Variants in ADCY4 observed in about 807,000 individuals in gnomAD.
The protein encoded by ADCY4 is adenylate cyclase type 4.
ADCY4 carries 111 observed loss-of-function variants against 125.5 expected under a neutral mutation model. The observed-to-expected ratio is 0.88, with a 90% CI of 0.76 to 1.04. The LOEUF is 1.04. Among genes scored for constraint, ADCY4 ranks in the 50% least tolerant of loss-of-function variants. The pLI, the probability that ADCY4 is intolerant of heterozygous loss-of-function variation, is 0.00. For missense variants in ADCY4, 1,256 were observed against 1,382.9 expected (o/e 0.91, Z 1.46); for synonymous variants, 576 against 586.9 (o/e 0.98, Z 0.27).
In ADCY4 at chr14:24,319,479, C is replaced by T; in HGVS notation, c.2734-43G>A. 6.3e-7 allele frequency: 1 copy of T among 1,579,744 alleles called. No homozygotes were observed. Among genetic ancestry groups the T allele is most frequent in the Non-Finnish European group, 8.7e-7 (1 of 1,150,328 alleles). On this transcript the variant is annotated intron_variant, in intron 21 of 24. Coordinates refer to ENST00000418030, the MANE Select transcript of ADCY4 (RefSeq NM_001198568.2). The surrounding 1 kb of genome is among the most constrained non-coding windows in gnomAD (Gnocchi z 4.5). ...TCCTGTCCCCAGTCTCTCTTACTCTCTCCATCACCTCTCCCAGAAGCCCAG... is the reference window on the plus strand; with the variant it reads ...TCCTGTCCCCAGTCTCTCTTACTCTTTCCATCACCTCTCCCAGAAGCCCAG...
chr14:24,323,253 C>G (rs2041884655), intron 17 of ADCY4, 91 bp downstream of exon 17: 2 of 1,425,438 alleles, frequency 1.4e-6, no homozygotes, highest in Non-Finnish European at 1.9e-6. Flanking sequence ...TTCTAATCCA[C>G]AGAATGGAGC....
intron 5 of ADCY4, 29 bp downstream of exon 5, chr14:24,331,179 C>T: frequency 6.2e-7 from 1 of 1,613,700 alleles, no homozygotes. Context: ...GCCCACAGGC[C>T]CCTCCCCTCC....
At chr14:24,330,118 GC>G in intron 7 of ADCY4, 49 bp downstream of exon 7, 7 of 1,601,250 alleles carry the variant, frequency 4.4e-6, no homozygotes, top group Non-Finnish European at 6.0e-6. Flanking sequence ...GCTGCCTGCT[GC>G]CCCCCACATC....
chr14:24,323,685 T>C (rs2041892931), intron 16 of ADCY4: 1 of 1,381,236 alleles, frequency 7.2e-7, no homozygotes, highest in Admixed American at 3.1e-5. Flanking sequence ...GTGTGAGCTC[T>C]TGCCAGCCAC....
In ADCY4 at chr14:24,322,064, A is replaced by G. The variant is rs974611989; in HGVS notation, c.2586+2T>C. Reference sequence around the variant, plus strand: ...CTCAGGAGTCAGGGGGTCAGGAGTCACCTCGTTGCGCCGGTTCTGGCCAAT... The same window carrying G: ...CTCAGGAGTCAGGGGGTCAGGAGTCGCCTCGTTGCGCCGGTTCTGGCCAAT... On this transcript the variant is annotated splice_donor_variant, in intron 20 of 24. Coordinates refer to ENST00000418030, the MANE Select transcript of ADCY4 (RefSeq NM_001198568.2). LOFTEE classifies it high-confidence loss of function. 5.0e-6 allele frequency: 8 copies of G among 1,609,620 alleles called. No individual in the cohort carries two copies. The African/African-American group carries it at 9.4e-5, about 19-fold the overall frequency.
At position 24,318,909 on chromosome 14, in the gene ADCY4, A is replaced by G. The variant is rs1486885875; in HGVS notation, c.2957-131T>C. 2.1e-6 allele frequency: 3 copies of G among 1,442,356 alleles called. No individual in the cohort carries two copies. In the Admixed American group the frequency reaches 5.9e-5, roughly 29 times the overall value. 89.3% of individuals were successfully genotyped at this position (1,442,356 alleles called of 1,614,324 possible). On this transcript the variant is annotated intron_variant, in intron 23 of 24. Coordinates refer to ENST00000418030, the MANE Select transcript of ADCY4 (RefSeq NM_001198568.2). ...GGAGGGGTCTCTAAGGGCTGGAGGA[A>G]TGTAGCTTAAGAAAAAGAGTGGGAG...
rs542752705 is a variant in ADCY4, at chr14:24,322,897, T to A, written c.2342+7A>T. The A allele has an allele frequency of 2.5e-6, 4 of 1,587,898 alleles. No individual in the cohort carries two copies. Among genetic ancestry groups the A allele is most frequent in the Non-Finnish European group, 3.4e-6 (4 of 1,167,330 alleles). ...GCCCGGCACCTCTGTCCAGCAGCTG[T>A]GCACACCTGGAGTCCAAGGGGCCCA... is the stretch of plus-strand genomic sequence containing the variant. On this transcript the variant is annotated splice_region_variant and intron_variant, in intron 18 of 24. Coordinates refer to ENST00000418030, the MANE Select transcript of ADCY4 (RefSeq NM_001198568.2).
Position 24,330,033 on chromosome 14 carries a change from T to A in ADCY4, c.1059-15A>T. 1.9e-6 allele frequency: 3 copies of A among 1,610,494 alleles called. No homozygotes were observed. Among genetic ancestry groups the A allele is most frequent in the Non-Finnish European group, 2.5e-6 (3 of 1,177,220 alleles). Reference sequence around the variant, plus strand: ...CCCGCAGTTTCCTGAGCAGTGTGTGTGTGGGACAATCTGAGTCCTACCCTC... The same window carrying A: ...CCCGCAGTTTCCTGAGCAGTGTGTGAGTGGGACAATCTGAGTCCTACCCTC... On this transcript the variant is annotated splice_polypyrimidine_tract_variant and intron_variant, in intron 7 of 24. Coordinates refer to ENST00000418030, the MANE Select transcript of ADCY4 (RefSeq NM_001198568.2).
Position 24,318,751 on chromosome 14 carries a change from C to A in ADCY4, c.2984G>T (p.Gly995Val). 6.2e-7 allele frequency: 1 copy of A among 1,614,124 alleles called. No homozygotes were observed. Among genetic ancestry groups the A allele is most frequent in the South Asian group, 1.1e-5 (1 of 91,076 alleles). Residue 995 changes from glycine (G) to valine (V), a missense_variant, in exon 24 of 25, where the codon GGA becomes GTA. Gly to Val is a moderately radical substitution (Grantham distance 109). Coordinates refer to ENST00000418030, the MANE Select transcript of ADCY4 (RefSeq NM_001198568.2). ...TTGCGGCTTCTGGGCCCCAATAACT[C>A]CAGCTACTACGGGTCCATGGTTCAA... is the stretch of plus-strand genomic sequence containing the variant. The part of the protein sequence containing the change: ...VGLNHGPVVA[G>V]VIGAQKPQYD...
At chr14:24,327,127 C>T (rs1369151555) in intron 10 of ADCY4, among the ~76,000 whole-genome samples, 1 of 152,004 alleles carries the variant, frequency 6.6e-6, no homozygotes. Context: ...AAACTACTGA[C>T]CTCAAGCTAT....
At chr14:24,325,038 C>A (rs2041920488) in intron 14 of ADCY4, among the ~76,000 whole-genome samples, 1 of 152,140 alleles carries the variant, frequency 6.6e-6, no homozygotes, top group African/African-American at 2.4e-5. Flanking sequence ...CTCATCCCTC[C>A]TAGCAGTGGA....
chr14:24,334,342 G>T, intron 1 of ADCY4, 152 bp downstream of exon 1: 1 of 1,326,084 alleles, frequency 7.5e-7, no homozygotes, highest in Middle Eastern at 1.9e-4. Flanking sequence ...AGAGTGACTT[G>T]CCCAGGGTCA....
At chr14:24,321,702 G>A (rs1310190229) in intron 20 of ADCY4, 9 of 703,326 alleles carry the variant, frequency 1.3e-5, no homozygotes, top group Non-Finnish European at 1.4e-5. Context: ...CGGTAGTGCT[G>A]GCTCACCGCT....
Position 24,319,804 on chromosome 14 carries a change from T to A in ADCY4, c.2671A>T (p.Ile891Phe), listed in dbSNP as rs1306323454. The A allele has an allele frequency of 6.2e-7, 1 of 1,614,134 alleles. No homozygotes were observed. The highest frequency in any genetic ancestry group is 8.5e-7 in the Non-Finnish European group (1 of 1,180,024). ...AGACACTCTAGGCCCTCATGATTGA[T>A]GTTGGATTCAGAGTAGAACTCCTTG... ...DFKEFYSESN[I>F]NHEGLECLRL... Residue 891 changes from isoleucine (I) to phenylalanine (F), a missense_variant, in exon 21 of 25, where the codon ATC becomes TTC. Coordinates refer to ENST00000418030, the MANE Select transcript of ADCY4 (RefSeq NM_001198568.2). This position sits in a 1 kb window ranked among gnomAD's most constrained non-coding sequence, Gnocchi z 4.5.
At position 24,322,593 on chromosome 14, in the gene ADCY4, G is replaced by A. The variant is rs762985557; in HGVS notation, c.2427+31C>T. 5 of 1,608,786 alleles carry A rather than the reference G, an allele frequency of 3.1e-6. No homozygotes were observed. The African/African-American group carries it at 6.7e-5, about 22-fold the overall frequency. ...CAGATATGGGGGCCACTCATAGGTGGGCCCTGGTGGGGCTGAGCTGGGTGA... is the reference window on the plus strand; with the variant it reads ...CAGATATGGGGGCCACTCATAGGTGAGCCCTGGTGGGGCTGAGCTGGGTGA... On this transcript the variant is annotated intron_variant, in intron 19 of 24. Coordinates refer to ENST00000418030, the MANE Select transcript of ADCY4 (RefSeq NM_001198568.2).
Position 24,325,906 on chromosome 14 carries a change from GT to G in ADCY4, c.1656-20del, listed in dbSNP as rs1229370975. 1 of 1,579,738 alleles carries G rather than the reference GT, an allele frequency of 6.3e-7. No individual in the cohort carries two copies. Among genetic ancestry groups the G allele is most frequent in the South Asian group, 1.1e-5 (1 of 87,326 alleles). On this transcript the variant is annotated intron_variant, in intron 12 of 24. Coordinates refer to ENST00000418030, the MANE Select transcript of ADCY4 (RefSeq NM_001198568.2). Reference sequence around the variant, plus strand: ...CCACTGTCTGGTGGGAGGTGGGAGGGTGGGTGAAAGCACCAGAGAACAGAGG... The same window carrying G: ...CCACTGTCTGGTGGGAGGTGGGAGGGGGGTGAAAGCACCAGAGAACAGAGG...
At chr14:24,326,768 A>G (rs1209373756) in intron 10 of ADCY4, among the ~76,000 whole-genome samples, 1 of 151,806 alleles carries the variant, frequency 6.6e-6, no homozygotes, top group Non-Finnish European at 1.5e-5. Context: ...TAATTTTTGC[A>G]TTTTTAGTAG....
chr14:24,326,953 T>C (rs868790288), intron 10 of ADCY4, among the ~76,000 whole-genome samples: 11 of 140,184 alleles, frequency 7.8e-5, no homozygotes, highest in Admixed American at 1.5e-4. Context: ...CTGGAGTGCA[T>C]TGGTGCAATC....
chr14:24,319,525 A>C lies in ADCY4; in HGVS notation c.2734-89T>G. 7.1e-7 allele frequency: 1 copy of C among 1,416,130 alleles called. No homozygotes were observed. The allele number at this position is 1,416,130 out of a possible 1,614,324, so 87.7% of individuals were successfully genotyped here. A position where few individuals can be genotyped will look rare whatever the true frequency, so the allele number is the denominator to read the frequency against. On this transcript the variant is annotated intron_variant, in intron 21 of 24. Transcript: ENST00000418030. This position sits in a 1 kb window ranked among gnomAD's most constrained non-coding sequence, Gnocchi z 4.5. ...CCCAGCCCCAAGCCTTTGGAGTTAAAGGATCAGGCTGTGGGAGTGGAGATA... is the reference window on the plus strand; with the variant it reads ...CCCAGCCCCAAGCCTTTGGAGTTAACGGATCAGGCTGTGGGAGTGGAGATA...
Sources: gnomAD v4.1 joint callset for allele counts (sites outside exome capture counted in the v4.1 genomes callset) on GRCh38, gnomAD v4.1.1 for gene constraint, Gnocchi (gnomAD v3.1) non-coding constraint, MANE v1.5 for transcripts, NCBI Gene and HGNC (gene_info 2026-07-23, HGNC 2026-07-21) for gene names.